Variants in GTF2IRD2 observed in about 807,000 individuals in gnomAD.
The protein encoded by GTF2IRD2 is general transcription factor II-I repeat domain-containing protein 2A.
Under a neutral mutation model 49.2 loss-of-function variants are expected in GTF2IRD2, and 8 were observed. That is an observed-to-expected ratio of 0.16 (90% CI 0.10 to 0.29). The LOEUF is 0.29. Among genes scored for constraint, GTF2IRD2 ranks in the 10% least tolerant of loss-of-function variants. GTF2IRD2 has a pLI of 1.00. For synonymous variants in GTF2IRD2, 47 were observed against 289.7 expected (o/e 0.16, Z 8.51); for missense variants, 130 against 725.7 (o/e 0.18, Z 9.43).
chr7:74,829,700 T>G, intron 3 of GTF2IRD2, among the ~76,000 whole-genome samples: 1 of 141,014 alleles, frequency 7.1e-6, no homozygotes, highest in Non-Finnish European at 1.5e-5. Context: ...GCCAACATGG[T>G]GAAACCCTAT....
At chr7:74,830,200 C>CAAAAA (rs782359912) in intron 3 of GTF2IRD2, among the ~76,000 whole-genome samples, 3 of 16,530 alleles carry the variant, frequency 1.8e-4, no homozygotes, top group Admixed American at 1.1e-3. Context: ...AACCCTGTCT[C>CAAAAA]AAAAAAAAAA....
At position 74,822,013 on chromosome 7, in the gene GTF2IRD2, T is replaced by A. The variant is rs1178685382; in HGVS notation, c.571+414A>T. The stretch of plus-strand genomic sequence containing the variant: ...ATGGCTTGCTGCACCTATTGGCCCA[T>A]CCTCTAAGTTCCCTCCCCTCACCCA... On this transcript the variant is annotated intron_variant, in intron 6 of 15. Transcript: ENST00000451013. 9 of 339,236 alleles carry A rather than the reference T, an allele frequency of 2.7e-5. No homozygotes were observed. In the East Asian group the frequency reaches 6.8e-4, roughly 26 times the overall value. 21.0% of individuals were successfully genotyped at this position (339,236 alleles called of 1,614,324 possible). A position where few individuals can be genotyped will look rare whatever the true frequency, so the allele number is the denominator to read the frequency against.
At chr7:74,826,046 A>G (rs1304525536) in intron 3 of GTF2IRD2, among the ~76,000 whole-genome samples, 2 of 151,666 alleles carry the variant, frequency 1.3e-5, no homozygotes, top group African/African-American at 4.8e-5. Context: ...CGGCCTCCCA[A>G]AGTGCTGGGA....
intron 3 of GTF2IRD2, among the ~76,000 whole-genome samples, chr7:74,825,736 A>C (rs1554419441): frequency 6.6e-6 from 1 of 151,882 alleles, no homozygotes; most frequent in East Asian, 1.9e-4. Flanking sequence ...ATTTGAACAC[A>C]GAAAGGTTTT....
chr7:74,831,685 TG>T (rs1799882821), intron 3 of GTF2IRD2, among the ~76,000 whole-genome samples: 1 of 101,624 alleles, frequency 9.8e-6, no homozygotes. Context: ...TGTCTGGTTT[TG>T]TTTTGTCTTG....
At chr7:74,826,112 G>A (rs1486770745) in intron 3 of GTF2IRD2, among the ~76,000 whole-genome samples, 10 of 151,176 alleles carry the variant, frequency 6.6e-5, no homozygotes, top group African/African-American at 1.2e-4. Context: ...ATGGATATAC[G>A]GTGTTGTTGG....
chr7:74,851,001 GC>G lies in GTF2IRD2; in HGVS notation c.-6+365del, dbSNP rs1367593730. 5.6e-5 allele frequency among the ~76,000 whole-genome samples: 2 copies of G among 35,406 alleles called. 1 individual carries two copies. The highest frequency in any genetic ancestry group is 9.2e-5 in the Non-Finnish European group (2 of 21,674). The allele number at this position is 35,406 out of a possible 152,430, so 23.2% of individuals were successfully genotyped here. The stretch of plus-strand genomic sequence containing the variant: ...GCGCAGTTGCCTGGTAACAGCGGCG[GC>G]CCCCGCCCCCTTATCTAACCAATCA... On this transcript the variant is annotated intron_variant, in intron 1 of 15. Coordinates refer to ENST00000451013, the MANE Select transcript of GTF2IRD2 (RefSeq NM_173537.5).
At chr7:74,825,970 T>C (rs1483192937) in intron 3 of GTF2IRD2, among the ~76,000 whole-genome samples, 1 of 151,690 alleles carries the variant, frequency 6.6e-6, no homozygotes, top group Non-Finnish European at 1.5e-5. Flanking sequence ...CCGGCTAATT[T>C]TTTGTATTTT....
intron 3 of GTF2IRD2, 83 bp from the exon 4 acceptor site, chr7:74,825,135 A>G (rs1482580664): frequency 7.6e-7 from 1 of 1,322,718 alleles, no homozygotes; most frequent in Non-Finnish European, 9.9e-7. Flanking sequence ...TATTGAAAGA[A>G]AAAAGGGGAA....
chr7:74,796,692 C>T lies in GTF2IRD2; in HGVS notation c.2820G>A (p.Gln940=), dbSNP rs1554416177. Reference sequence around the variant, plus strand: ...TTGCGATGTGGAGTACAGAATCCCACTGGGAATCCTTTAACTGGGAGCAGT... The same window carrying T: ...TTGCGATGTGGAGTACAGAATCCCATTGGGAATCCTTTAACTGGGAGCAGT... ...TKYCSQLKDS[Q]WDSVLHIAT is the part of the protein sequence containing the mutation. Residue 940 remains glutamine, a synonymous_variant, in exon 16 of 16, where the codon CAG becomes CAA. Transcript: ENST00000451013. The T allele has an allele frequency of 2.9e-6, 2 of 693,934 alleles. No homozygotes were observed. The highest frequency in any genetic ancestry group is 4.0e-4 in the Middle Eastern group (1 of 2,504). 43.0% of individuals were successfully genotyped at this position (693,934 alleles called of 1,614,324 possible). A position where few individuals can be genotyped will look rare whatever the true frequency, so the allele number is the denominator to read the frequency against.
chr7:74,823,999 C>T (rs1442860109), intron 4 of GTF2IRD2, among the ~76,000 whole-genome samples: 1 of 103,594 alleles, frequency 9.7e-6, no homozygotes, highest in Non-Finnish European at 2.0e-5. Flanking sequence ...CCGTCTCTAC[C>T]AAAAAATACA....
At position 74,841,892 on chromosome 7, in the gene GTF2IRD2, G is replaced by A. The variant is rs1554421905; in HGVS notation, c.-5-5509C>T. Among the ~76,000 whole-genome samples, 5 of 140,170 alleles carry A rather than the reference G, an allele frequency of 3.6e-5. 1 individual carries two copies. The highest frequency in any genetic ancestry group is 4.8e-4 in the South Asian group (2 of 4,178). The allele number at this position is 140,170 out of a possible 152,430, so 92.0% of individuals were successfully genotyped here. On this transcript the variant is annotated intron_variant, in intron 1 of 15. Transcript: ENST00000451013. ...TGTAATCCCAGCACTTTGGGAGGCCGAGGCGGACGGATCACGAGGTCAAGA... is the reference window on the plus strand; with the variant it reads ...TGTAATCCCAGCACTTTGGGAGGCCAAGGCGGACGGATCACGAGGTCAAGA...
rs1798963911 is a variant in GTF2IRD2, at chr7:74,822,208, G to A, written c.571+219C>T. The A allele has an allele frequency of 1.4e-5, 6 of 419,174 alleles. No individual in the cohort carries two copies. In the East Asian group the frequency reaches 1.9e-4, roughly 13 times the overall value. The allele number at this position is 419,174 out of a possible 1,614,324, so 26.0% of individuals were successfully genotyped here. ...ACTACACGCGCCCGCCACCACGCCC[G>A]GCTAATTTTTTTTCGTATTTTTAGT... On this transcript the variant is annotated intron_variant, in intron 6 of 15. Coordinates refer to ENST00000451013, the MANE Select transcript of GTF2IRD2 (RefSeq NM_173537.5).
Position 74,851,192 on chromosome 7 carries a change from C to G in GTF2IRD2, c.-6+175G>C, listed in dbSNP as rs1409222966. On this transcript the variant is annotated intron_variant, in intron 1 of 15. Coordinates refer to ENST00000451013, the MANE Select transcript of GTF2IRD2 (RefSeq NM_173537.5). ...CGCCCCCACCCTCACACCTCTGGTC[C>G]TGCCAGCAGGGATCGGGGTTCGGGG... 4.9e-5 allele frequency among the ~76,000 whole-genome samples: 2 copies of G among 40,472 alleles called. 1 individual carries two copies. Among genetic ancestry groups the G allele is most frequent in the Non-Finnish European group, 8.3e-5 (2 of 24,176 alleles). 26.6% of individuals were successfully genotyped at this position (40,472 alleles called of 152,430 possible). A position where few individuals can be genotyped will look rare whatever the true frequency, so the allele number is the denominator to read the frequency against.
intron 3 of GTF2IRD2, among the ~76,000 whole-genome samples, chr7:74,829,381 C>A (rs1584398989): frequency 3.2e-5 from 1 of 30,802 alleles, no homozygotes; most frequent in Non-Finnish European, 5.3e-5. Flanking sequence ...GGCAACAGAG[C>A]AAGACTCTGT....
At chr7:74,828,676 GA>G (rs71288132) in intron 3 of GTF2IRD2, among the ~76,000 whole-genome samples, 1 of 21,616 alleles carries the variant, frequency 4.6e-5, no homozygotes, top group Admixed American at 7.8e-4. Context: ...CCATCTCAAA[GA>G]AAAAAAAAAA....
chr7:74,837,907 C>T (rs1800445559), intron 1 of GTF2IRD2, among the ~76,000 whole-genome samples: 1 of 64,192 alleles, frequency 1.6e-5, no homozygotes, highest in Non-Finnish European at 2.5e-5. Context: ...CCTGCCACCA[C>T]GCCTGGCTAA....
intron 8 of GTF2IRD2, among the ~76,000 whole-genome samples, chr7:74,815,853 A>AGAAG (rs1798491247): frequency 6.4e-5 from 7 of 109,128 alleles, no homozygotes; most frequent in African/African-American, 2.6e-4. Flanking sequence ...AAAGAAAGAA[A>AGAAG]GAAAGAAAGA....
At chr7:74,825,760 GTA>G (rs1799321715) in intron 3 of GTF2IRD2, among the ~76,000 whole-genome samples, 1 of 149,938 alleles carries the variant, frequency 6.7e-6, no homozygotes, top group South Asian at 2.1e-4. Flanking sequence ...TTTTTTTTTT[GTA>G]TCAATGTAAG....
Sources: allele counts gnomAD v4.1 joint callset (sites outside exome capture counted in the v4.1 genomes callset), GRCh38; gene constraint gnomAD v4.1.1; transcripts MANE v1.5; gene names NCBI Gene and HGNC (gene_info 2026-07-23, HGNC 2026-07-21).